Variants in SHOX observed in about 807,000 individuals in gnomAD.
SHOX encodes short stature homeobox protein.
SHOX carries 12 observed loss-of-function variants against 29.6 expected under a neutral mutation model. The observed-to-expected ratio is 0.41, with a 90% CI of 0.26 to 0.66. SHOX has a LOEUF of 0.66. Ranked by LOEUF, SHOX falls within the 30% of genes least tolerant of loss-of-function variation. The pLI, the probability that SHOX is intolerant of heterozygous loss-of-function variation, is 0.35. For synonymous variants in SHOX, 214 were observed against 200.6 expected, an observed-to-expected ratio of 1.07 and a Z score of -0.57; for missense variants, 499 against 437.7, an observed-to-expected ratio of 1.14 and a Z score of -1.25.
intron 2 of SHOX, among the ~76,000 whole-genome samples, chrX:637,830 T>C (rs1343477900): frequency 1.3e-5 from 2 of 152,110 alleles, no homozygotes; most frequent in African/African-American, 4.8e-5. Context: ...AGAGTTTCAA[T>C]TTACTGTGGA....
At chrX:652,710 T>C (rs2124216418), downstream of SHOX, among the ~76,000 whole-genome samples, 1 of 152,310 alleles carries the variant, frequency 6.6e-6, no homozygotes, top group South Asian at 2.1e-4. Context: ...TCCAGGCCAT[T>C]CTGCAAAGTG....
chrX:626,805 GTC>G (rs1470514335), upstream of SHOX, among the ~76,000 whole-genome samples: 1 of 126,034 alleles, frequency 7.9e-6, no homozygotes, highest in African/African-American at 3.2e-5. Context: ...CTCTATCTCT[GTC>G]TCTCTTTCTC....
At position 649,572 on chromosome X, in the gene SHOX, C is replaced by T. The variant is rs141059648; in HGVS notation, c.*4936C>T. 3.6e-3 allele frequency among the ~76,000 whole-genome samples: 545 copies of T among 152,284 alleles called. 3 individuals carry two copies. The highest frequency in any genetic ancestry group is 7.5e-3 in the Admixed American group (114 of 15,286). ...CAAAACAAGGTTCTTTTGAAAGTCA[C>T]GTTCCTGCTTTCCCTGTGGCTTCCC... On this transcript the variant is annotated 3_prime_UTR_variant, in exon 5 of 5. Coordinates refer to ENST00000686671, the MANE Select transcript of SHOX (RefSeq NM_000451.4).
Position 646,964 on chromosome X carries a change from A to G in SHOX, c.*2328A>G, listed in dbSNP as rs1238610323. On this transcript the variant is annotated 3_prime_UTR_variant, in exon 5 of 5. Coordinates refer to ENST00000686671, the MANE Select transcript of SHOX (RefSeq NM_000451.4). ...AGCCCTAGATTTTTTTTTTTTAACC[A>G]AAAAGGCTGAGTAATTTTGAAAAAT... 1 of 150,780 alleles carries G rather than the reference A, an allele frequency of 6.6e-6. No homozygotes were observed. The highest frequency in any genetic ancestry group is 1.5e-5 in the Non-Finnish European group (1 of 67,764). The allele number at this position is 150,780 out of a possible 1,614,324, so 9.3% of individuals were successfully genotyped here. A position where few individuals can be genotyped will look rare whatever the true frequency, so the allele number is the denominator to read the frequency against.
At chrX:630,748 C>T, upstream of SHOX, 1 of 987,476 alleles carries the variant, frequency 1.0e-6, no homozygotes, top group Non-Finnish European at 1.5e-6. Flanking sequence ...GGGGGCTGGG[C>T]GAGGTCGCCG....
At chrX:641,930 G>GCCTGGCC (rs768704908) in intron 4 of SHOX, among the ~76,000 whole-genome samples, 59 of 152,258 alleles carry the variant, frequency 3.9e-4, no homozygotes, top group African/African-American at 1.2e-3. Context: ...TGGGGCGTCT[G>GCCTGGCC]CCTGGCCCCT....
Position 649,337 on chromosome X carries a change from C to T in SHOX, c.*4701C>T, listed in dbSNP as rs1210722623. Among the ~76,000 whole-genome samples the T allele has an allele frequency of 1.3e-5, 2 of 152,168 alleles. No individual in the cohort carries two copies. The highest frequency in any genetic ancestry group is 4.8e-5 in the African/African-American group (2 of 41,446). On this transcript the variant is annotated 3_prime_UTR_variant, in exon 5 of 5. Transcript: ENST00000686671. ...TACGGGGTGAGGCACCGCGCCCGGCCTCCTCTCTCTTTTTCTGAGATGTTT... is the reference window on the plus strand; with the variant it reads ...TACGGGGTGAGGCACCGCGCCCGGCTTCCTCTCTCTTTTTCTGAGATGTTT...
At chrX:642,503 C>A (rs771844263) in intron 4 of SHOX, among the ~76,000 whole-genome samples, 1 of 152,318 alleles carries the variant, frequency 6.6e-6, no homozygotes, top group South Asian at 2.1e-4. Flanking sequence ...CTGGTCGCCG[C>A]TAGCTCTCCA....
intron 1 of SHOX, 80 bp downstream of exon 1, chrX:631,254 C>CA (rs2052643978): frequency 6.5e-7 from 1 of 1,543,572 alleles, no homozygotes; most frequent in South Asian, 1.1e-5. Context: ...GCCCCGCGCG[C>CA]CCCTCGCTGT....
At chrX:624,862 T>TTTTCTTTCTTTCTTTTCTTTCTTTC (rs1556451610) in intron 1 of SHOX, among the ~76,000 whole-genome samples, 131 of 76,822 alleles carry the variant, frequency 1.7e-3, no homozygotes, top group East Asian at 2.7e-3. Context: ...TCTTTCTTTC[T>TTTTCTTTCTTTCTTTTCTTTCTTTC]TTTCTTTCTT....
upstream of SHOX, among the ~76,000 whole-genome samples, chrX:627,694 C>G (rs1174475507): frequency 1.3e-5 from 2 of 152,170 alleles, no homozygotes; most frequent in Non-Finnish European, 2.9e-5. Flanking sequence ...ACTGGTGTCC[C>G]CATGCTCATT....
rs764099728 is a variant in SHOX at position 651,460 on chromosome X, C to G, written c.*6824C>G. On this transcript the variant is annotated 3_prime_UTR_variant, in exon 5 of 5. Coordinates refer to ENST00000686671, the MANE Select transcript of SHOX (RefSeq NM_000451.4). ...CCCTGAGTTTCTCTGGTGACGCCCT[C>G]ATTCTCCTAACGTTCAATAATCTCA... 7 of 450,078 alleles carry G rather than the reference C, an allele frequency of 1.6e-5. No individual in the cohort carries two copies. The highest frequency in any genetic ancestry group is 1.0e-4 in the African/African-American group (5 of 49,378). 27.9% of individuals were successfully genotyped at this position (450,078 alleles called of 1,614,324 possible).
chrX:644,613 C>T lies in SHOX; in HGVS notation c.856C>T (p.His286Tyr). 6.6e-7 allele frequency: 1 copy of T among 1,507,378 alleles called. No individual in the cohort carries two copies. The highest frequency in any genetic ancestry group is 1.2e-5 in the South Asian group (1 of 81,150). 93.4% of individuals were successfully genotyped at this position (1,507,378 alleles called of 1,614,324 possible). Reference sequence around the variant, plus strand: ...CGACCTGCGGCTCAAGGCGCGGAAGCACGCGGAGGCCCTGGGGCTCTGACC... The same window carrying T: ...CGACCTGCGGCTCAAGGCGCGGAAGTACGCGGAGGCCCTGGGGCTCTGACC... ...IADLRLKARK[H>Y]AEALGL The change falls in exon 5 of 5, where the codon CAC (histidine) becomes TAC (tyrosine). Residue 286 changes from histidine to tyrosine, a missense_variant. His to Tyr is a moderately conservative substitution (Grantham distance 83). Coordinates refer to ENST00000686671, the MANE Select transcript of SHOX (RefSeq NM_000451.4).
At position 651,127 on chromosome X, in the gene SHOX, C is replaced by T. The variant is rs376384872; in HGVS notation, c.*6491C>T. On this transcript the variant is annotated 3_prime_UTR_variant, in exon 5 of 5. Transcript: ENST00000686671. ...ATTTATTTTTTTTTCCTTGGTCGGA[C>T]GTTCATAAATATGTACTATTTTAAT... is the stretch of plus-strand genomic sequence containing the variant. 17 of 346,776 alleles carry T rather than the reference C, an allele frequency of 4.9e-5. No homozygotes were observed. Among genetic ancestry groups the T allele is most frequent in the African/African-American group, 1.9e-4 (9 of 46,256 alleles). 21.5% of individuals were successfully genotyped at this position (346,776 alleles called of 1,614,324 possible). A position where few individuals can be genotyped will look rare whatever the true frequency, so the allele number is the denominator to read the frequency against.
At chrX:625,083 C>G (rs1186192940) in intron 1 of SHOX, among the ~76,000 whole-genome samples, 1 of 139,134 alleles carries the variant, frequency 7.2e-6, no homozygotes, top group East Asian at 2.2e-4. Context: ...CCTTCTCTCC[C>G]TCCCTCCCTC....
rs1358124000 is a variant in SHOX, at chrX:631,073, T to C, written c.176T>C (p.Ile59Thr). 4.3e-6 allele frequency: 7 copies of C among 1,613,612 alleles called. No homozygotes were observed. In the South Asian group the frequency reaches 5.5e-5, roughly 13 times the overall value. The change falls in exon 1 of 5, where the codon ATC becomes ACC. Residue 59 changes from isoleucine (I) to threonine (T), a missense_variant. Coordinates refer to ENST00000686671, the MANE Select transcript of SHOX (RefSeq NM_000451.4). The part of the protein sequence containing the change: ...LGTSDSSLQD[I>T]TEGGGHCPVH... ...ACGTCGGATTCCAGCCTCCAGGACATCACGGAGGGCGGCGGCCACTGCCCG... is the reference window on the plus strand; with the variant it reads ...ACGTCGGATTCCAGCCTCCAGGACACCACGGAGGGCGGCGGCCACTGCCCG...
Position 630,935 on chromosome X carries a change from A to C in SHOX, c.38A>C (p.Asp13Ala), listed in dbSNP as rs1334507288. The change falls in exon 1 of 5, where the codon GAC (aspartate) becomes GCC (alanine). Residue 13 changes from aspartate (D) to alanine (A), a missense_variant. Coordinates refer to ENST00000686671, the MANE Select transcript of SHOX (RefSeq NM_000451.4). The part of the protein sequence containing the change: ...ELTAFVSKSF[D>A]QKSKDGNGGG... Reference sequence around the variant, plus strand: ...ACGGCTTTTGTATCCAAGTCTTTTGACCAGAAAAGCAAGGACGGTAACGGC... The same window carrying C: ...ACGGCTTTTGTATCCAAGTCTTTTGCCCAGAAAAGCAAGGACGGTAACGGC... The C allele has an allele frequency of 6.2e-7, 1 of 1,613,710 alleles. No individual in the cohort carries two copies. Among genetic ancestry groups the C allele is most frequent in the South Asian group, 1.1e-5 (1 of 91,070 alleles).
At position 631,173 on chromosome X, in the gene SHOX, A is replaced by T. The variant is rs1365989267; in HGVS notation, c.276A>T (p.Glu92Asp). The change falls in exon 1 of 5, where the codon GAA (glutamate) becomes GAT (aspartate). Residue 92 changes from glutamate to aspartate, a missense_variant and splice_region_variant. Coordinates refer to ENST00000686671, the MANE Select transcript of SHOX (RefSeq NM_000451.4). ...AATTCGGCACCGCGAGAGTGGCAGA[A>T]GGTAAGTTCCTTTGCGCTCCGGCTC... Reference protein sequence around the residue: ...LKEFGTARVAEGIYECKEKRE... With the variant: ...LKEFGTARVADGIYECKEKRE... The T allele has an allele frequency of 6.2e-7, 1 of 1,612,480 alleles. No individual in the cohort carries two copies. Among genetic ancestry groups the T allele is most frequent in the South Asian group, 1.1e-5 (1 of 91,068 alleles).
At chrX:643,601 G>C (rs1359467794) in intron 4 of SHOX, among the ~76,000 whole-genome samples, 82 of 144,112 alleles carry the variant, frequency 5.7e-4, no homozygotes, top group Non-Finnish European at 1.0e-3. Flanking sequence ...GAGGCTTGGG[G>C]ACCTGGTGTC....
Sources: gnomAD v4.1 joint callset for allele counts (sites outside exome capture counted in the v4.1 genomes callset) on GRCh38, gnomAD v4.1.1 for gene constraint, MANE v1.5 for transcripts, NCBI Gene and HGNC (gene_info 2026-07-23, HGNC 2026-07-21) for gene names.